CADM1: variants seen among roughly 807,000 people sequenced by gnomAD.
CADM1 encodes TSLC-1.
A neutral mutation model predicts 53.1 loss-of-function variants in CADM1; 15 were observed. That is an observed-to-expected ratio of 0.28 (90% CI 0.19 to 0.44). CADM1 has a LOEUF of 0.44. Among genes scored for constraint, CADM1 ranks in the 20% least tolerant of loss-of-function variants. The pLI, the probability that CADM1 is intolerant of heterozygous loss-of-function variation, is 1.00. For missense variants in CADM1, 434 were observed against 611.3 expected, an observed-to-expected ratio of 0.71 and a Z score of 3.06; for synonymous variants, 281 against 243.0, an observed-to-expected ratio of 1.16 and a Z score of -1.45.
chr11:115,213,132 T>G, intron 7 of CADM1, among the ~76,000 whole-genome samples: 1 of 152,176 alleles, frequency 6.6e-6, no homozygotes, highest in Non-Finnish European at 1.5e-5. Flanking sequence ...TGAAAGCCAG[T>G]AAACCCGGGC....
chr11:115,235,891 C>T (rs1941993678), intron 3 of CADM1, among the ~76,000 whole-genome samples: 1 of 152,100 alleles, frequency 6.6e-6, no homozygotes, highest in Admixed American at 6.5e-5. Flanking sequence ...AAAGAGAGTC[C>T]TACGGTATGT....
intron 1 of CADM1, among the ~76,000 whole-genome samples, chr11:115,472,447 A>G (rs1449106671): frequency 1.3e-5 from 2 of 151,520 alleles, no homozygotes; most frequent in South Asian, 2.1e-4. Flanking sequence ...ATATATGTAT[A>G]TAGGGGGGGG....
At chr11:115,343,719 T>TAA (rs11406684) in intron 1 of CADM1, among the ~76,000 whole-genome samples, 1,731 of 137,848 alleles carry the variant, frequency 0.013, 22 homozygotes, top group Admixed American at 0.023. Context: ...ATACAGATTG[T>TAA]AAAAAAAAAA....
In CADM1 at chr11:115,266,674, TGTCA is replaced by T. The variant is rs1943149206; in HGVS notation, c.125-26258_125-26255del. Among the ~76,000 whole-genome samples the T allele has an allele frequency of 1.3e-5, 2 of 152,258 alleles. 1 individual carries two copies. Among genetic ancestry groups the T allele is most frequent in the African/African-American group, 4.8e-5 (2 of 41,480 alleles). On this transcript the variant is annotated intron_variant, in intron 1 of 11. Transcript: ENST00000331581. ...TCTTTTATCATTCATAACTTTGTTC[TGTCA>T]GTAATATCTGTCATTCCGTGCAGCT...
intron 1 of CADM1, chr11:115,399,148 CA>C (rs745486393): frequency 1.1e-4 from 16 of 152,158 alleles, no homozygotes; most frequent in Admixed American, 4.6e-4. Flanking sequence ...AGTTATCACA[CA>C]GTAATGAAAA....
chr11:115,394,491 C>T (rs1280586965), intron 1 of CADM1, among the ~76,000 whole-genome samples: 1 of 151,942 alleles, frequency 6.6e-6, no homozygotes, highest in Non-Finnish European at 1.5e-5. Flanking sequence ...AAAAAAATGC[C>T]GGGTTAAGTT....
At chr11:115,302,147 A>C (rs565727114) in intron 1 of CADM1, among the ~76,000 whole-genome samples, 65 of 152,024 alleles carry the variant, frequency 4.3e-4, no homozygotes, top group African/African-American at 1.5e-3. Flanking sequence ...ACCGGGGCCT[A>C]TTGGAGGGGG....
chr11:115,304,929 T>C (rs535141604), intron 1 of CADM1, among the ~76,000 whole-genome samples: 6 of 152,098 alleles, frequency 3.9e-5, no homozygotes, highest in East Asian at 1.9e-4. Flanking sequence ...ATGTAAACAA[T>C]GGCAAAAACC....
chr11:115,198,305 G>T, intron 9 of CADM1, 101 bp downstream of exon 9: 1 of 874,520 alleles, frequency 1.1e-6, no homozygotes, highest in South Asian at 1.5e-5. Context: ...CAGTCTACTT[G>T]AAACATGATT....
intron 1 of CADM1, among the ~76,000 whole-genome samples, chr11:115,417,530 A>T (rs566137119): frequency 6.6e-6 from 1 of 152,272 alleles, no homozygotes; most frequent in Admixed American, 6.5e-5. Flanking sequence ...ACCAATCATA[A>T]AACAGAATAA....
chr11:115,250,062 C>T (rs1942546378), intron 1 of CADM1, among the ~76,000 whole-genome samples: 1 of 151,998 alleles, frequency 6.6e-6, no homozygotes, highest in Admixed American at 6.5e-5. Context: ...CCGCCACCAC[C>T]CTGGCTAATT....
In CADM1 at chr11:115,504,255, C is replaced by T; in HGVS notation, c.124+16G>A. 6.4e-7 allele frequency: 1 copy of T among 1,570,218 alleles called. No homozygotes were observed. The highest frequency in any genetic ancestry group is 1.4e-5 in the African/African-American group (1 of 73,908). On this transcript the variant is annotated intron_variant, in intron 1 of 11. Transcript: ENST00000331581. ...TTCGGAGATTTAGGGGCCAACCGGT[C>T]GGTGCCCACACCTACCTGTGGGGAT...
At chr11:115,249,434 GTGT>G (rs1394926901) in intron 1 of CADM1, among the ~76,000 whole-genome samples, 4 of 152,218 alleles carry the variant, frequency 2.6e-5, no homozygotes, top group African/African-American at 9.7e-5. Flanking sequence ...ACTTCATCCG[GTGT>G]TGTTGGTCAC....
intron 1 of CADM1, among the ~76,000 whole-genome samples, chr11:115,376,262 G>C (rs1946434778): frequency 6.6e-6 from 1 of 152,080 alleles, no homozygotes; most frequent in Admixed American, 6.6e-5. Flanking sequence ...ACAACTCTTA[G>C]CATAATGCCT....
At chr11:115,389,069 T>G (rs1282807387) in intron 1 of CADM1, among the ~76,000 whole-genome samples, 1 of 152,022 alleles carries the variant, frequency 6.6e-6, no homozygotes, top group Non-Finnish European at 1.5e-5. Flanking sequence ...GGATGCAACT[T>G]ACCCTAGAAT....
intron 1 of CADM1, among the ~76,000 whole-genome samples, chr11:115,406,981 T>C (rs907223519): frequency 7.9e-5 from 12 of 151,318 alleles, no homozygotes; most frequent in Non-Finnish European, 8.8e-5. Context: ...AAGTGATATA[T>C]AGTCATAAAA....
Position 115,169,519 on chromosome 11 carries a change from G to A in CADM1, c.*6955C>T. 3 of 449,630 alleles carry A rather than the reference G, an allele frequency of 6.7e-6. No homozygotes were observed. The highest frequency in any genetic ancestry group is 1.3e-5 in the Non-Finnish European group (3 of 224,308). 27.9% of individuals were successfully genotyped at this position (449,630 alleles called of 1,614,324 possible). ...GTAGGACATTTCAGTTGACAGTAAT[G>A]GCATTTTCCCTTCCTTGTCCAAACG... is the stretch of plus-strand genomic sequence containing the variant. On this transcript the variant is annotated 3_prime_UTR_variant, in exon 12 of 12. Transcript: ENST00000331581.
chr11:115,222,722 C>T (rs1161102030), intron 5 of CADM1, among the ~76,000 whole-genome samples: 1 of 152,118 alleles, frequency 6.6e-6, no homozygotes, highest in Admixed American at 6.5e-5. Context: ...CTTGCTGCAA[C>T]TTTCAGGTAG....
At chr11:115,326,265 ATTAAC>A (rs1181259200) in intron 1 of CADM1, among the ~76,000 whole-genome samples, 1 of 152,194 alleles carries the variant, frequency 6.6e-6, no homozygotes, top group Non-Finnish European at 1.5e-5. Context: ...TTCTAAATTA[ATTAAC>A]TTAAAATTAA....
Sources: gnomAD v4.1 joint callset for allele counts (sites outside exome capture counted in the v4.1 genomes callset) on GRCh38, gnomAD v4.1.1 for gene constraint, MANE v1.5 for transcripts, NCBI Gene and HGNC (gene_info 2026-07-23, HGNC 2026-07-21) for gene names.